Variants in SYT2 observed in about 807,000 individuals in gnomAD.
SYT2 encodes the protein synaptotagmin-2.
Under a neutral mutation model 39.9 loss-of-function variants are expected in SYT2, and 15 were observed. The observed-to-expected ratio is 0.38, with a 90% CI of 0.25 to 0.58. The LOEUF (loss-of-function observed/expected upper bound fraction) is 0.58. Ranked by LOEUF, SYT2 falls within the 20% of genes least tolerant of loss-of-function variation. The probability of loss-of-function intolerance (pLI) is 0.70; values close to 1 mark genes in which losing one functional copy is unlikely to be tolerated. For synonymous variants in SYT2, 181 were observed against 204.5 expected (o/e 0.89, Z 0.98); for missense variants, 389 against 530.3 (o/e 0.73, Z 2.62).
chr1:202,665,482 T>G (rs1692464814), intron 1 of SYT2, among the ~76,000 whole-genome samples: 1 of 152,230 alleles, frequency 6.6e-6, no homozygotes, highest in Non-Finnish European at 1.5e-5. Flanking sequence ...TCTTCTGGAC[T>G]AAAGCAACCA....
At chr1:202,617,048 C>T (rs1691061860) in intron 1 of SYT2, among the ~76,000 whole-genome samples, 3 of 152,248 alleles carry the variant, frequency 2.0e-5, no homozygotes, top group Non-Finnish European at 2.9e-5. Flanking sequence ...AAAGCCCTAG[C>T]GTGGCCTACA....
At chr1:202,612,998 T>A (rs1690927931) in intron 1 of SYT2, among the ~76,000 whole-genome samples, 1 of 151,960 alleles carries the variant, frequency 6.6e-6, no homozygotes, top group South Asian at 2.1e-4. Context: ...GTTGCTAGTG[T>A]ATAGCAATAT....
chr1:202,602,208 G>A (rs992523127), intron 5 of SYT2, 151 bp from the exon 6 acceptor site: 1 of 1,069,236 alleles, frequency 9.4e-7, no homozygotes, highest in Admixed American at 2.1e-5. Flanking sequence ...AGAGTGTGAG[G>A]GTGGGGTGGG....
At chr1:202,699,601 G>T (rs1572687016) in intron 1 of SYT2, among the ~76,000 whole-genome samples, 1 of 152,266 alleles carries the variant, frequency 6.6e-6, no homozygotes, top group Non-Finnish European at 1.5e-5. Context: ...TCTAAAACTG[G>T]ATTGTAGTGA....
chr1:202,667,197 G>C (rs1692494321), intron 1 of SYT2, among the ~76,000 whole-genome samples: 2 of 151,488 alleles, frequency 1.3e-5, no homozygotes, highest in African/African-American at 4.9e-5. Context: ...TCCTAGGGCT[G>C]GGAGGAAAAA....
intron 1 of SYT2, among the ~76,000 whole-genome samples, chr1:202,615,427 C>G (rs1280358566): frequency 6.6e-6 from 1 of 152,238 alleles, no homozygotes; most frequent in Non-Finnish European, 1.5e-5. Flanking sequence ...GGTCACCCCC[C>G]CACATCCCAG....
intron 1 of SYT2, among the ~76,000 whole-genome samples, chr1:202,663,964 G>A (rs1290228184): frequency 6.6e-6 from 1 of 152,148 alleles, no homozygotes; most frequent in Non-Finnish European, 1.5e-5. Flanking sequence ...CAAAACTCCA[G>A]GATTCCACAA....
chr1:202,710,070 TC>T (rs981554529), intron 1 of SYT2, among the ~76,000 whole-genome samples, 187 bp downstream of exon 1: 10 of 151,592 alleles, frequency 6.6e-5, no homozygotes, highest in African/African-American at 2.4e-4. Flanking sequence ...AGACGAACCT[TC>T]CATCCGGACG....
chr1:202,609,139 G>A (rs1274141016), intron 1 of SYT2, among the ~76,000 whole-genome samples: 3 of 147,750 alleles, frequency 2.0e-5, no homozygotes, highest in African/African-American at 7.5e-5. Context: ...TTGGTTTTTT[G>A]TCCTTGCGAT....
In SYT2 at chr1:202,601,098, T is replaced by C. The variant is rs533877424; in HGVS notation, c.802-624A>G. ...GAGAAACTGAGGTTCCCAGAGGCCA[T>C]GGTTTGCTCAAAGTCACACAACAAT... On this transcript the variant is annotated intron_variant, in intron 6 of 8. Transcript: ENST00000367268. The surrounding 1 kb of genome is among the most constrained non-coding windows in gnomAD (Gnocchi z 4.0). Among the ~76,000 whole-genome samples the C allele has an allele frequency of 1.3e-5, 2 of 152,304 alleles. No homozygotes were observed. Among genetic ancestry groups the C allele is most frequent in the African/African-American group, 2.4e-5 (1 of 41,568 alleles).
chr1:202,662,789 G>A lies in SYT2; in HGVS notation c.-18+47469C>T, dbSNP rs12021648. Among the ~76,000 whole-genome samples, 2,903 of 152,266 alleles carry A rather than the reference G, an allele frequency of 0.019. 172 individuals are homozygous for A. In the East Asian group the frequency reaches 0.22, roughly 11 times the overall value. ...GTCAGGTAACCTCTCTGGGCCTCAGGATCATCACCTGTAAAAGAGGGTTAC... is the reference window on the plus strand; with the variant it reads ...GTCAGGTAACCTCTCTGGGCCTCAGAATCATCACCTGTAAAAGAGGGTTAC... On this transcript the variant is annotated intron_variant, in intron 1 of 8. Transcript: ENST00000367268.
chr1:202,623,664 G>A lies in SYT2; in HGVS notation c.-17-17875C>T, dbSNP rs374704022. ...AGGATACGGAAAGTGTGTAGGGGGGGTGCACCCGTGGGCCCCAGGAGGTCT... is the reference window on the plus strand; with the variant it reads ...AGGATACGGAAAGTGTGTAGGGGGGATGCACCCGTGGGCCCCAGGAGGTCT... On this transcript the variant is annotated intron_variant, in intron 1 of 8. Coordinates refer to ENST00000367268, the MANE Select transcript of SYT2 (RefSeq NM_177402.5). This position sits in a 1 kb window ranked among gnomAD's most constrained non-coding sequence, Gnocchi z 4.2. Among the ~76,000 whole-genome samples the A allele has an allele frequency of 1.1e-3, 160 of 152,330 alleles. 2 individuals are homozygous for A. Among genetic ancestry groups the A allele is most frequent in the African/African-American group, 3.8e-3 (156 of 41,586 alleles).
At chr1:202,660,254 T>C (rs1044716932) in intron 1 of SYT2, among the ~76,000 whole-genome samples, 2 of 152,230 alleles carry the variant, frequency 1.3e-5, no homozygotes, top group Admixed American at 6.5e-5. Context: ...GTCCTGACTA[T>C]GCTACCTTTT....
intron 1 of SYT2, among the ~76,000 whole-genome samples, chr1:202,657,615 AC>A (rs1272436631): frequency 6.6e-6 from 1 of 151,666 alleles, no homozygotes; most frequent in Non-Finnish European, 1.5e-5. Context: ...CGCCTTAGGG[AC>A]CCTGGCTCCT....
In SYT2 at chr1:202,594,523, C is replaced by G. The variant is rs1057198018; in HGVS notation, c.*2234G>C. ...GAGAAAGCACCAAAATCCCATAACT[C>G]TGGGGTTGGGAGAAGAGTCCAGTGA... On this transcript the variant is annotated 3_prime_UTR_variant, in exon 9 of 9. Coordinates refer to ENST00000367268, the MANE Select transcript of SYT2 (RefSeq NM_177402.5). 3 of 152,180 alleles carry G rather than the reference C, an allele frequency of 2.0e-5. No individual in the cohort carries two copies. Among genetic ancestry groups the G allele is most frequent in the Admixed American group, 1.3e-4 (2 of 15,276 alleles). The allele number at this position is 152,180 out of a possible 1,614,324, so 9.4% of individuals were successfully genotyped here. A position where few individuals can be genotyped will look rare whatever the true frequency, so the allele number is the denominator to read the frequency against.
At position 202,614,871 on chromosome 1, in the gene SYT2, T is replaced by TCAGGAG. The variant is rs776376936; in HGVS notation, c.-17-9088_-17-9083dup. Among the ~76,000 whole-genome samples the TCAGGAG allele has an allele frequency of 1.3e-5, 2 of 152,002 alleles. No homozygotes were observed. The highest frequency in any genetic ancestry group is 2.9e-5 in the Non-Finnish European group (2 of 67,992). On this transcript the variant is annotated intron_variant, in intron 1 of 8. Transcript: ENST00000367268. The surrounding 1 kb of genome is among the most constrained non-coding windows in gnomAD (Gnocchi z 4.0). ...GGCTGGCAGGCCGGGCAGGGCAGGA[T>TCAGGAG]CAGGAGCACCATAGGCCGCGTCAAG...
At chr1:202,662,241 C>T (rs1047121560) in intron 1 of SYT2, among the ~76,000 whole-genome samples, 1 of 152,220 alleles carries the variant, frequency 6.6e-6, no homozygotes, top group African/African-American at 2.4e-5. Flanking sequence ...TGCGAGTTGG[C>T]GGCAGAATTG....
Position 202,594,656 on chromosome 1 carries a change from C to T in SYT2, c.*2101G>A, listed in dbSNP as rs561342830. ...TGACCACACCTTTGGTCCCAAGGACCGCAGTTCATAATCCTGATCAGAGTC... is the reference window on the plus strand; with the variant it reads ...TGACCACACCTTTGGTCCCAAGGACTGCAGTTCATAATCCTGATCAGAGTC... On this transcript the variant is annotated 3_prime_UTR_variant, in exon 9 of 9. Coordinates refer to ENST00000367268, the MANE Select transcript of SYT2 (RefSeq NM_177402.5). The T allele has an allele frequency of 4.7e-5, 7 of 149,496 alleles. No homozygotes were observed. Among genetic ancestry groups the T allele is most frequent in the African/African-American group, 1.7e-4 (7 of 40,982 alleles). 9.3% of individuals were successfully genotyped at this position (149,496 alleles called of 1,614,324 possible). A position where few individuals can be genotyped will look rare whatever the true frequency, so the allele number is the denominator to read the frequency against.
At chr1:202,610,339 A>C (rs1376049982) in intron 1 of SYT2, among the ~76,000 whole-genome samples, 1 of 152,264 alleles carries the variant, frequency 6.6e-6, no homozygotes, top group Non-Finnish European at 1.5e-5. Context: ...CAGCTTTGCT[A>C]TCTATGACAA....
Sources: gnomAD v4.1 joint callset for allele counts (sites outside exome capture counted in the v4.1 genomes callset) on GRCh38, gnomAD v4.1.1 for gene constraint, Gnocchi (gnomAD v3.1) non-coding constraint, MANE v1.5 for transcripts, NCBI Gene and HGNC (gene_info 2026-07-23, HGNC 2026-07-21) for gene names.